THAP3: variants seen among roughly 807,000 people sequenced by gnomAD.
THAP3 encodes the protein THAP domain containing 3, also known as THAP domain-containing protein 3.
A neutral mutation model predicts 17.7 loss-of-function variants in THAP3; 12 were observed. The observed-to-expected ratio is 0.68, with a 90% CI of 0.43 to 1.10. The LOEUF (loss-of-function observed/expected upper bound fraction) is 1.10, where lower values mean the gene tolerates loss of function less well. THAP3 is among the 50% of genes least tolerant of loss of function. THAP3 has a pLI of 0.00. For missense variants in THAP3, 289 were observed against 318.0 expected (o/e 0.91, Z 0.69); for synonymous variants, 133 against 126.9 (o/e 1.05, Z -0.32).
chr1:6,625,859 G>T (rs539488951), intron 2 of THAP3, among the ~76,000 whole-genome samples: 3 of 152,324 alleles, frequency 2.0e-5, no homozygotes, highest in Non-Finnish European at 2.9e-5. Flanking sequence ...CATTCCGAAG[G>T]GGGGCTTGTG....
downstream of THAP3, chr1:6,634,402 A>G (rs1641713540): frequency 8.1e-7 from 1 of 1,227,742 alleles, no homozygotes; most frequent in Non-Finnish European, 1.1e-6. Context: ...GCTTTTCAAA[A>G]CCAGAGGAAG....
intron 3 of THAP3, among the ~76,000 whole-genome samples, chr1:6,628,934 G>T (rs936963362): frequency 3.9e-5 from 6 of 152,234 alleles, no homozygotes; most frequent in Non-Finnish European, 8.8e-5. Context: ...GGGTGCGGTG[G>T]CTCACGTCTG....
chr1:6,625,204 C>A lies in THAP3; in HGVS notation c.-15C>A. ...CGCCGCCATCTTTGTTGGGGGCAGC[C>A]AGGCCTGGCTCGAGATGCCGAAGTC... On this transcript the variant is annotated 5_prime_UTR_variant, in exon 2 of 6. Transcript: ENST00000054650. The A allele has an allele frequency of 1.9e-6, 3 of 1,538,536 alleles. No individual in the cohort carries two copies. Among genetic ancestry groups the A allele is most frequent in the East Asian group, 2.5e-5 (1 of 40,012 alleles).
chr1:6,632,723 C>G, intron 5 of THAP3, 73 bp from the exon 6 acceptor site: 1 of 1,577,234 alleles, frequency 6.3e-7, no homozygotes, highest in Non-Finnish European at 8.7e-7. Context: ...GTGTGCGTGT[C>G]TGGTGGCCTG....
intron 2 of THAP3, among the ~76,000 whole-genome samples, chr1:6,625,957 T>C (rs1049279954): frequency 3.3e-5 from 5 of 152,172 alleles, no homozygotes; most frequent in African/African-American, 1.2e-4. Context: ...TGCAGAAAAA[T>C]GCACGAATCA....
At chr1:6,629,393 GC>G (rs1351754336) in intron 3 of THAP3, among the ~76,000 whole-genome samples, 1 of 152,194 alleles carries the variant, frequency 6.6e-6, no homozygotes, top group Non-Finnish European at 1.5e-5. Flanking sequence ...CGGCCACGTA[GC>G]AAACACGCCC....
intron 3 of THAP3, 49 bp from the exon 4 acceptor site, chr1:6,630,239 C>G: frequency 6.4e-7 from 1 of 1,556,438 alleles, no homozygotes; most frequent in Non-Finnish European, 8.9e-7. Context: ...CTGCCCCGAG[C>G]TCTGAGGGTT....
intron 2 of THAP3, among the ~76,000 whole-genome samples, chr1:6,626,603 C>T (rs1476095324): frequency 6.6e-6 from 1 of 152,186 alleles, no homozygotes; most frequent in East Asian, 1.9e-4. Context: ...TTTGGGAGGC[C>T]GAGCTGGGTG....
chr1:6,634,834 G>T (rs547220664), downstream of THAP3: 17 of 1,243,620 alleles, frequency 1.4e-5, no homozygotes, highest in African/African-American at 1.9e-4. Flanking sequence ...TGGGTTGGGT[G>T]TGTCTGATGT....
At chr1:6,632,257 A>G in intron 4 of THAP3, 134 bp from the exon 5 acceptor site, 1 of 1,205,852 alleles carries the variant, frequency 8.3e-7, no homozygotes, top group Non-Finnish European at 1.2e-6. Flanking sequence ...GCTAGGGAGA[A>G]GCTGGCTGTG....
downstream of THAP3, chr1:6,634,819 G>A (rs532162727): frequency 2.4e-5 from 30 of 1,263,926 alleles, no homozygotes; most frequent in Middle Eastern, 3.2e-4. Flanking sequence ...TGGGGTCCAC[G>A]CCTTTGGGTT....
chr1:6,629,385 G>A (rs1196332517), intron 3 of THAP3, among the ~76,000 whole-genome samples: 1 of 152,182 alleles, frequency 6.6e-6, no homozygotes, highest in Non-Finnish European at 1.5e-5. Flanking sequence ...GAACAAAGCG[G>A]CCACGTAGCA....
chr1:6,632,164 C>T (rs1403460734), intron 4 of THAP3, among the ~76,000 whole-genome samples: 4 of 151,214 alleles, frequency 2.6e-5, no homozygotes, highest in Non-Finnish European at 4.4e-5. Context: ...TGCAGTGAGC[C>T]GAGATTGCAC....
At chr1:6,630,436 G>A (rs372905745) in intron 4 of THAP3, 83 bp downstream of exon 4, 17 of 1,402,624 alleles carry the variant, frequency 1.2e-5, no homozygotes, top group Middle Eastern at 1.9e-4. Flanking sequence ...CAGCAAGGCC[G>A]GCCCGCAGGG....
In THAP3 at chr1:6,630,368, C is replaced by T. The variant is rs374637203; in HGVS notation, c.333+15C>T. On this transcript the variant is annotated intron_variant, in intron 4 of 5. Coordinates refer to ENST00000054650, the MANE Select transcript of THAP3 (RefSeq NM_001195753.2). ...AGAAAGAAAAGGTGAGTGCACCGGG[C>T]CAGGTACTTGAATGTTTAAATTATG... The T allele has an allele frequency of 1.2e-6, 2 of 1,613,222 alleles. No individual in the cohort carries two copies. The highest frequency in any genetic ancestry group is 1.7e-5 in the Admixed American group (1 of 60,018).
chr1:6,635,044 G>A (rs553502992), downstream of THAP3: 38 of 275,482 alleles, frequency 1.4e-4, no homozygotes, highest in African/African-American at 2.2e-5. Context: ...GTCCCAAGCC[G>A]AGGGGGCCGG....
downstream of THAP3, chr1:6,635,542 T>C (rs1641747009): frequency 9.8e-7 from 1 of 1,021,890 alleles, no homozygotes; most frequent in African/African-American, 1.6e-5. Flanking sequence ...TTCACATAAT[T>C]GATAATGGTA....
At position 6,628,491 on chromosome 1, in the gene THAP3, G is replaced by T. The variant is rs745577959; in HGVS notation, c.75-8G>T. On this transcript the variant is annotated splice_region_variant and splice_polypyrimidine_tract_variant and intron_variant, in intron 2 of 5. Coordinates refer to ENST00000054650, the MANE Select transcript of THAP3 (RefSeq NM_001195753.2). Reference sequence around the variant, plus strand: ...GCTGGGCCTCACACCCCGTGCCTCTGCCCTTAGGTTTCCGTTCAGCCGCCC... The same window carrying T: ...GCTGGGCCTCACACCCCGTGCCTCTTCCCTTAGGTTTCCGTTCAGCCGCCC... 1 of 1,606,542 alleles carries T rather than the reference G, an allele frequency of 6.2e-7. No homozygotes were observed. Among genetic ancestry groups the T allele is most frequent in the Non-Finnish European group, 8.5e-7 (1 of 1,176,766 alleles).
In THAP3 at chr1:6,630,260, G is replaced by C. The variant is rs1219211881; in HGVS notation, c.268-28G>C. On this transcript the variant is annotated intron_variant, in intron 3 of 5. Coordinates refer to ENST00000054650, the MANE Select transcript of THAP3 (RefSeq NM_001195753.2). ...CGAGCTCTGAGGGTTCTTGGGGTCT[G>C]CATCCACTCTGTGTGTGTCTCTTGT... The C allele has an allele frequency of 1.9e-6, 3 of 1,610,898 alleles. No homozygotes were observed. The African/African-American group carries it at 4.0e-5, about 22-fold the overall frequency.
Sources: allele counts gnomAD v4.1 joint callset (sites outside exome capture counted in the v4.1 genomes callset), GRCh38; gene constraint gnomAD v4.1.1; transcripts MANE v1.5; gene names NCBI Gene and HGNC (gene_info 2026-07-23, HGNC 2026-07-21).